MSL2: variants seen among roughly 807,000 people sequenced by gnomAD.
MSL2 encodes MSL complex subunit 2, also known as E3 ubiquitin-protein ligase MSL2.
MSL2 carries 2 observed loss-of-function variants against 35.8 expected under a neutral mutation model. The observed-to-expected ratio is 0.06, with a 90% CI of 0.02 to 0.18. MSL2 has a LOEUF of 0.18. Ranked by LOEUF, MSL2 falls within the 10% of genes least tolerant of loss-of-function variation. MSL2 has a pLI of 1.00. For missense variants in MSL2, 523 were observed against 706.7 expected, an observed-to-expected ratio of 0.74 and a Z score of 2.95; for synonymous variants, 296 against 255.7, an observed-to-expected ratio of 1.16 and a Z score of -1.50.
chr3:136,169,748 C>A (rs1216453980), intron 1 of MSL2, among the ~76,000 whole-genome samples: 1 of 151,962 alleles, frequency 6.6e-6, no homozygotes, highest in Non-Finnish European at 1.5e-5. Flanking sequence ...CCACCGCACC[C>A]AGCCTCTACG....
At chr3:136,164,129 G>A (rs1939778659) in intron 1 of MSL2, among the ~76,000 whole-genome samples, 1 of 152,204 alleles carries the variant, frequency 6.6e-6, no homozygotes, top group Non-Finnish European at 1.5e-5. Flanking sequence ...AGCAGCTCAT[G>A]AGTCTGAAAA....
At chr3:136,193,872 A>C (rs1940759654) in intron 1 of MSL2, among the ~76,000 whole-genome samples, 2 of 152,128 alleles carry the variant, frequency 1.3e-5, no homozygotes, top group African/African-American at 2.4e-5. Flanking sequence ...CTTGCAAAAA[A>C]CACCACCGCC....
At chr3:136,189,135 A>AAC (rs1553768116) in intron 1 of MSL2, among the ~76,000 whole-genome samples, 5,218 of 121,300 alleles carry the variant, frequency 0.043, 262 homozygotes, top group African/African-American at 0.11. Context: ...AAAAAAAAAA[A>AAC]ACACACACAC....
Position 136,192,379 on chromosome 3 carries a change from A to C in MSL2, c.142+2593T>G, listed in dbSNP as rs577867830. Among the ~76,000 whole-genome samples, 36 of 151,912 alleles carry C rather than the reference A, an allele frequency of 2.4e-4. 1 individual carries two copies. Among genetic ancestry groups the C allele is most frequent in the Non-Finnish European group, 4.1e-4 (28 of 67,992 alleles). Reference sequence around the variant, plus strand: ...TTTTTAGTAGAGATGGGGTTTCACTATGTTGGCCAGGCTGGTCTCCAACTC... The same window carrying C: ...TTTTTAGTAGAGATGGGGTTTCACTCTGTTGGCCAGGCTGGTCTCCAACTC... On this transcript the variant is annotated intron_variant, in intron 1 of 1. Transcript: ENST00000309993.
intron 1 of MSL2, among the ~76,000 whole-genome samples, chr3:136,154,015 G>A (rs1472036382): frequency 6.6e-6 from 1 of 151,622 alleles, no homozygotes; most frequent in African/African-American, 2.4e-5. Context: ...CCCAGGAGGC[G>A]GAGGTTGCAG....
Position 136,150,666 on chromosome 3 carries a change from A to C in MSL2, c.*481T>G, listed in dbSNP as rs189752561. ...CAGAAATGGTATGATGTCAGCACAA[A>C]GGTTGAGCTGGACACATCAGCTTTC... On this transcript the variant is annotated 3_prime_UTR_variant, in exon 2 of 2. Coordinates refer to ENST00000309993, the MANE Select transcript of MSL2 (RefSeq NM_018133.4). 6.2e-6 allele frequency: 1 copy of C among 160,416 alleles called. No homozygotes were observed. Among genetic ancestry groups the C allele is most frequent in the East Asian group, 1.7e-4 (1 of 5,766 alleles). The allele number at this position is 160,416 out of a possible 1,614,324, so 9.9% of individuals were successfully genotyped here. A position where few individuals can be genotyped will look rare whatever the true frequency, so the allele number is the denominator to read the frequency against.
intron 1 of MSL2, among the ~76,000 whole-genome samples, chr3:136,194,102 A>G (rs750736117): frequency 6.6e-6 from 1 of 152,268 alleles, no homozygotes; most frequent in Non-Finnish European, 1.5e-5. Flanking sequence ...AGGATAGAAT[A>G]TTAAGTGGAG....
In MSL2 at chr3:136,159,354, C is replaced by CTTTTTTT. The variant is rs71157361; in HGVS notation, c.143-6623_143-6617dup. The stretch of plus-strand genomic sequence containing the variant: ...TTCAATGGGGAAAGGAGAGTACTTT[C>CTTTTTTT]TTTTTTTTTTTTTTTTTTTTTTTTT... On this transcript the variant is annotated intron_variant, in intron 1 of 1. Transcript: ENST00000309993. Among the ~76,000 whole-genome samples the CTTTTTTT allele has an allele frequency of 2.3e-4, 16 of 70,064 alleles. 1 individual carries two copies. The highest frequency in any genetic ancestry group is 5.6e-4 in the African/African-American group (10 of 18,014). The allele number at this position is 70,064 out of a possible 152,430, so 46.0% of individuals were successfully genotyped here.
chr3:136,153,934 T>G (rs1338017889), intron 1 of MSL2, among the ~76,000 whole-genome samples: 1 of 151,140 alleles, frequency 6.6e-6, no homozygotes, highest in Non-Finnish European at 1.5e-5. Context: ...AACGCAAAAA[T>G]TAGCCGGGCA....
At chr3:136,194,591 C>G (rs1387552418) in intron 1 of MSL2, 1 of 345,890 alleles carries the variant, frequency 2.9e-6, no homozygotes, top group African/African-American at 2.3e-5. Context: ...CCCACATGTG[C>G]ATGTTTTGAT....
rs547073082 is a variant in MSL2, at chr3:136,181,644, C to T, written c.142+13328G>A. ...GTTTTAAAATCAAAACTTGGCCGGG[C>T]GCGGTGGTTCACACCTGTAATCTGA... On this transcript the variant is annotated intron_variant, in intron 1 of 1. Coordinates refer to ENST00000309993, the MANE Select transcript of MSL2 (RefSeq NM_018133.4). Among the ~76,000 whole-genome samples, 216 of 152,168 alleles carry T rather than the reference C, an allele frequency of 1.4e-3. 3 individuals are homozygous for T. The highest frequency in any genetic ancestry group is 4.5e-3 in the African/African-American group (188 of 41,520).
chr3:136,195,214 G>A lies in MSL2; in HGVS notation c.-101C>T. 3 of 1,531,776 alleles carry A rather than the reference G, an allele frequency of 2.0e-6. No homozygotes were observed. Among genetic ancestry groups the A allele is most frequent in the South Asian group, 1.3e-5 (1 of 77,550 alleles). The allele number at this position is 1,531,776 out of a possible 1,614,324, so 94.9% of individuals were successfully genotyped here. A position where few individuals can be genotyped will look rare whatever the true frequency, so the allele number is the denominator to read the frequency against. The stretch of plus-strand genomic sequence containing the variant: ...ATGGCGAATTTGCAACAATTCGGAA[G>A]AAATCAGAGCCGAACCATTGGCCAA... On this transcript the variant is annotated 5_prime_UTR_variant, in exon 1 of 2. Transcript: ENST00000309993.
intron 1 of MSL2, among the ~76,000 whole-genome samples, chr3:136,153,714 C>T (rs567885980): frequency 1.3e-5 from 2 of 151,594 alleles, no homozygotes; most frequent in East Asian, 1.9e-4. Flanking sequence ...CACTTGAACC[C>T]AGGAAACTGA....
At chr3:136,173,077 C>G (rs1181034367) in intron 1 of MSL2, among the ~76,000 whole-genome samples, 1 of 152,124 alleles carries the variant, frequency 6.6e-6, no homozygotes, top group Non-Finnish European at 1.5e-5. Context: ...GCACAAAAAT[C>G]GCTTGAACCC....
intron 1 of MSL2, among the ~76,000 whole-genome samples, chr3:136,191,840 TGAA>T (rs1330173519): frequency 3.3e-5 from 5 of 152,000 alleles, no homozygotes; most frequent in African/African-American, 1.2e-4. Flanking sequence ...GAAACAAACT[TGAA>T]GAAGATAAAG....
At chr3:136,154,394 A>C (rs961303353) in intron 1 of MSL2, among the ~76,000 whole-genome samples, 1 of 152,080 alleles carries the variant, frequency 6.6e-6, no homozygotes, top group African/African-American at 2.4e-5. Flanking sequence ...ATACATACAA[A>C]CCAAGAAGGG....
intron 1 of MSL2, among the ~76,000 whole-genome samples, chr3:136,178,172 T>A (rs1940235647): frequency 6.6e-6 from 1 of 152,220 alleles, no homozygotes; most frequent in African/African-American, 2.4e-5. Context: ...CAGACATCGT[T>A]TATCTTAATA....
chr3:136,160,345 G>GGGAGGGAC (rs1210803716), intron 1 of MSL2, among the ~76,000 whole-genome samples: 1 of 31,734 alleles, frequency 3.2e-5, no homozygotes, highest in Non-Finnish European at 9.7e-5. Context: ...GAAGGAGGGA[G>GGGAGGGAC]GGAGGGAGGG....
chr3:136,175,416 T>C lies in MSL2; in HGVS notation c.142+19556A>G, dbSNP rs139413147. 7.5e-3 allele frequency among the ~76,000 whole-genome samples: 1,136 copies of C among 151,684 alleles called. 18 individuals are homozygous for C. The highest frequency in any genetic ancestry group is 0.026 in the African/African-American group (1,073 of 41,342). On this transcript the variant is annotated intron_variant, in intron 1 of 1. Transcript: ENST00000309993. The stretch of plus-strand genomic sequence containing the variant: ...AAAGTCTGAGATAGGCCAGGTGCAG[T>C]GGCTCACACTTACAATACCAGCATT...
Sources: gnomAD v4.1 joint callset for allele counts (sites outside exome capture counted in the v4.1 genomes callset) on GRCh38, gnomAD v4.1.1 for gene constraint, MANE v1.5 for transcripts, NCBI Gene and HGNC (gene_info 2026-07-23, HGNC 2026-07-21) for gene names.